The following THEMIS variants were observed in gnomAD, a reference collection of about 807,000 sequenced individuals.
The protein encoded by THEMIS is protein THEMIS.
A neutral mutation model predicts 52.6 loss-of-function variants in THEMIS; 37 were observed. That is an observed-to-expected ratio of 0.70 (90% CI 0.54 to 0.93). THEMIS has a LOEUF of 0.93. Among genes scored for constraint, THEMIS ranks in the 40% least tolerant of loss-of-function variants. The probability of loss-of-function intolerance (pLI) is 0.00; values close to 1 mark genes in which losing one functional copy is unlikely to be tolerated. For missense variants in THEMIS, 808 were observed against 763.1 expected, an observed-to-expected ratio of 1.06 and a Z score of -0.69; for synonymous variants, 292 against 272.7, an observed-to-expected ratio of 1.07 and a Z score of -0.70.
upstream of THEMIS, among the ~76,000 whole-genome samples, chr6:127,905,948 G>T (rs1781259000): frequency 6.9e-6 from 1 of 144,222 alleles, no homozygotes; most frequent in African/African-American, 2.7e-5. Flanking sequence ...TAATTTAAAT[G>T]AAATAATTAC....
intron 4 of THEMIS, among the ~76,000 whole-genome samples, chr6:127,810,989 T>C (rs1444012412): frequency 6.6e-6 from 1 of 152,144 alleles, no homozygotes; most frequent in Non-Finnish European, 1.5e-5. Flanking sequence ...AGCTTAGCTG[T>C]ACCCTTAAGT....
intron 3 of THEMIS, among the ~76,000 whole-genome samples, chr6:127,825,704 C>T (rs1422056555): frequency 2.0e-5 from 3 of 152,124 alleles, no homozygotes; most frequent in Admixed American, 1.3e-4. Context: ...TAAGCAATTC[C>T]AATTGGAACA....
At chr6:127,734,036 G>A (rs1209812499) in intron 4 of THEMIS, among the ~76,000 whole-genome samples, 1 of 151,952 alleles carries the variant, frequency 6.6e-6, no homozygotes, top group Non-Finnish European at 1.5e-5. Context: ...TGTGTCCGTA[G>A]GAATACAATC....
intron 4 of THEMIS, among the ~76,000 whole-genome samples, chr6:127,812,119 C>G (rs1185538433): frequency 6.6e-6 from 1 of 151,936 alleles, no homozygotes; most frequent in Non-Finnish European, 1.5e-5. Flanking sequence ...CACCACAGAA[C>G]CACGTCTGGA....
At chr6:127,765,519 C>T (rs1463569004) in intron 4 of THEMIS, among the ~76,000 whole-genome samples, 1 of 151,954 alleles carries the variant, frequency 6.6e-6, no homozygotes, top group Non-Finnish European at 1.5e-5. Context: ...ATTTGTAATG[C>T]CAAATGTAAG....
intron 1 of THEMIS, among the ~76,000 whole-genome samples, chr6:127,861,783 C>CAAA (rs1225783673): frequency 3.2e-4 from 31 of 95,692 alleles, no homozygotes; most frequent in African/African-American, 7.5e-4. Context: ...GACTCCATCT[C>CAAA]AAAAAAAAAA....
chr6:127,903,191 T>C (rs1053745630), upstream of THEMIS, among the ~76,000 whole-genome samples: 49 of 152,224 alleles, frequency 3.2e-4, no homozygotes, highest in African/African-American at 1.1e-3. Flanking sequence ...CCACTCACTC[T>C]GTCTTTGCTC....
At chr6:127,742,352 A>G (rs910236639) in intron 4 of THEMIS, among the ~76,000 whole-genome samples, 1 of 149,694 alleles carries the variant, frequency 6.7e-6, no homozygotes, top group Non-Finnish European at 1.5e-5. Context: ...AAACAAAAAA[A>G]CAAAAAAACA....
At chr6:127,856,263 TG>T (rs1216892929) in intron 1 of THEMIS, among the ~76,000 whole-genome samples, 1 of 151,990 alleles carries the variant, frequency 6.6e-6, no homozygotes, top group Non-Finnish European at 1.5e-5. Flanking sequence ...ATGGTATTGA[TG>T]GTTGCCAGAA....
At chr6:127,908,683 G>T (rs1163569751) in intron 1 of THEMIS, among the ~76,000 whole-genome samples, 1 of 152,098 alleles carries the variant, frequency 6.6e-6, no homozygotes, top group Non-Finnish European at 1.5e-5. Flanking sequence ...CCCTTTAAAT[G>T]GTGGAGGTCC....
chr6:127,904,704 C>T (rs553585848), upstream of THEMIS, among the ~76,000 whole-genome samples: 6 of 151,838 alleles, frequency 4.0e-5, no homozygotes, highest in South Asian at 2.1e-4. Context: ...GGGGTAATTC[C>T]GATATTGGAA....
chr6:127,701,045 T>C, the THEMIS span, among the ~76,000 whole-genome samples: 5 of 152,094 alleles, frequency 3.3e-5, no homozygotes, highest in African/African-American at 1.2e-4. Context: ...TGCGTAATTC[T>C]ATAGTGCAAA....
chr6:127,838,326 T>G (rs74665535), intron 2 of THEMIS, among the ~76,000 whole-genome samples: 2 of 152,228 alleles, frequency 1.3e-5, no homozygotes, highest in Non-Finnish European at 2.9e-5. Context: ...GTGGAAAAGT[T>G]GTTATTGTGT....
intron 4 of THEMIS, among the ~76,000 whole-genome samples, chr6:127,747,377 T>C (rs1013098769): frequency 1.4e-5 from 2 of 145,474 alleles, no homozygotes; most frequent in Non-Finnish European, 3.0e-5. Context: ...TATTATATTA[T>C]ATATTATAGA....
chr6:127,887,322 A>G (rs954098089), intron 1 of THEMIS, among the ~76,000 whole-genome samples: 1 of 152,130 alleles, frequency 6.6e-6, no homozygotes, highest in Non-Finnish European at 1.5e-5. Flanking sequence ...TTAAAACTAC[A>G]ATGAGATACC....
At position 127,828,203 on chromosome 6, in the gene THEMIS, T is replaced by C. The variant is rs544063338; in HGVS notation, c.709+1273A>G. ...TTCTGGGTTTACCCTCATTTGTAAC[T>C]ATGCGATAGGCAGGAGATGCCAATA... is the stretch of plus-strand genomic sequence containing the variant. On this transcript the variant is annotated intron_variant, in intron 3 of 5. Coordinates refer to ENST00000368248, the MANE Select transcript of THEMIS (RefSeq NM_001010923.3). Among the ~76,000 whole-genome samples the C allele has an allele frequency of 2.8e-4, 43 of 152,306 alleles. No homozygotes were observed. In the South Asian group the frequency reaches 8.7e-3, roughly 31 times the overall value.
intron 2 of THEMIS, among the ~76,000 whole-genome samples, chr6:127,830,599 T>C (rs1292424012): frequency 6.6e-6 from 1 of 151,958 alleles, no homozygotes; most frequent in Non-Finnish European, 1.5e-5. Flanking sequence ...GGTGACAGGA[T>C]TGATTGAGCT....
intron 2 of THEMIS, among the ~76,000 whole-genome samples, chr6:127,843,772 C>T (rs910580074): frequency 3.3e-5 from 5 of 151,838 alleles, no homozygotes; most frequent in African/African-American, 1.2e-4. Context: ...CCATAGAAGA[C>T]TGGTTTCAGT....
intron 1 of THEMIS, among the ~76,000 whole-genome samples, chr6:127,864,621 C>T (rs899374033): frequency 6.6e-6 from 1 of 152,128 alleles, no homozygotes; most frequent in Non-Finnish European, 1.5e-5. Context: ...TGATCAGATT[C>T]AGGAAGCGGT....
Sources: allele counts gnomAD v4.1 joint callset (sites outside exome capture counted in the v4.1 genomes callset), GRCh38; gene constraint gnomAD v4.1.1; transcripts MANE v1.5; gene names NCBI Gene and HGNC (gene_info 2026-07-23, HGNC 2026-07-21).